TDP1: variants seen among roughly 807,000 people sequenced by gnomAD.
The protein encoded by TDP1 is tyr-DNA phosphodiesterase 1.
In TDP1, 64 loss-of-function variants were observed where a neutral mutation model predicts 81.5. The ratio of observed to expected loss-of-function variants is 0.79; its 90% CI spans 0.64 to 0.97. The LOEUF (loss-of-function observed/expected upper bound fraction) is 0.97. TDP1 is among the 50% of genes least tolerant of loss of function. The pLI is 0.00. For synonymous variants in TDP1, 256 were observed against 264.3 expected (o/e 0.97, Z 0.30); for missense variants, 723 against 743.8 (o/e 0.97, Z 0.33).
At chr14:89,959,513 AT>A (rs1334759770) in intron 2 of TDP1, among the ~76,000 whole-genome samples, 1 of 152,226 alleles carries the variant, frequency 6.6e-6, no homozygotes. Flanking sequence ...ACAAGACACA[AT>A]TTTATTAGTC....
At chr14:89,988,853 T>G in intron 10 of TDP1, 52 bp from the exon 11 acceptor site, 2 of 1,612,324 alleles carry the variant, frequency 1.2e-6, no homozygotes, top group Non-Finnish European at 1.7e-6. Context: ...ATTGCAGCAT[T>G]TCTGTTAAGA....
At chr14:89,967,675 A>G (rs373012803) in intron 5 of TDP1, among the ~76,000 whole-genome samples, 2 of 152,228 alleles carry the variant, frequency 1.3e-5, no homozygotes, top group African/African-American at 4.8e-5. Context: ...TTTAACTCAA[A>G]TAACAGAATT....
chr14:89,998,418 ATATATGTATGTATGTATGTATGTATATG>A (rs1896881903), intron 14 of TDP1, among the ~76,000 whole-genome samples: 1 of 98,260 alleles, frequency 1.0e-5, no homozygotes, highest in African/African-American at 4.7e-5. Flanking sequence ...ATATATATAT[ATATATGTATGTATGTATGTATGTATATG>A]TATATGTATA....
intron 16 of TDP1, among the ~76,000 whole-genome samples, chr14:90,041,810 A>C (rs1371987337): frequency 6.6e-6 from 1 of 152,236 alleles, no homozygotes; most frequent in Non-Finnish European, 1.5e-5. Flanking sequence ...TGACTCTAGC[A>C]GTGGCAATGT....
At chr14:89,980,259 A>C in intron 7 of TDP1, 2 of 985,440 alleles carry the variant, frequency 2.0e-6, no homozygotes, top group South Asian at 9.4e-5. Context: ...CTGAATAGAT[A>C]ATAAGGGGCC....
intron 6 of TDP1, 21 bp downstream of exon 6, chr14:89,971,292 G>A (rs1167605707): frequency 6.3e-7 from 1 of 1,581,082 alleles, no homozygotes; most frequent in Admixed American, 1.7e-5. Context: ...TACTGCCGTT[G>A]GAGAGCACGC....
At chr14:90,035,733 CTT>C (rs543354253) in intron 16 of TDP1, among the ~76,000 whole-genome samples, 182 of 138,738 alleles carry the variant, frequency 1.3e-3, no homozygotes, top group Admixed American at 1.6e-3. Context: ...CCTTTTCTTC[CTT>C]TTTTTTTTTT....
chr14:89,962,852 T>TGA (rs1440619095), intron 2 of TDP1: 2 of 920,602 alleles, frequency 2.2e-6, no homozygotes, highest in Non-Finnish European at 2.6e-6. Context: ...TCCAGCTGGG[T>TGA]GACAGAGCGA....
intron 6 of TDP1, among the ~76,000 whole-genome samples, chr14:89,973,382 T>G (rs1001808717): frequency 6.6e-6 from 1 of 151,942 alleles, no homozygotes; most frequent in Admixed American, 6.5e-5. Flanking sequence ...TTTAGGAGAG[T>G]GGTTCCTGTG....
intron 15 of TDP1, among the ~76,000 whole-genome samples, chr14:90,027,087 G>T (rs1040450155): frequency 2.0e-5 from 3 of 152,162 alleles, no homozygotes; most frequent in Admixed American, 1.3e-4. Flanking sequence ...CAGTGTAAAA[G>T]TGTTCCTATT....
chr14:89,963,283 A>G lies in TDP1; in HGVS notation c.169A>G (p.Lys57Glu). 9.3e-6 allele frequency: 15 copies of G among 1,614,220 alleles called. No individual in the cohort carries two copies. The highest frequency in any genetic ancestry group is 1.3e-5 in the Non-Finnish European group (15 of 1,180,030). The change falls in exon 3 of 17, where the codon AAG becomes GAG. Residue 57 changes from lysine to glutamate, a missense_variant. Coordinates refer to ENST00000335725, the MANE Select transcript of TDP1 (RefSeq NM_018319.4). ...TCSEAQKAAH[K>E]RKISPVKFSN... ...TTCCGAGGCCCAGAAAGCTGCACAC[A>G]AGAGGAAAATATCACCTGTGAAATT... is the stretch of plus-strand genomic sequence containing the variant.
intron 5 of TDP1, among the ~76,000 whole-genome samples, chr14:89,969,530 T>C (rs1393333561): frequency 6.6e-6 from 1 of 152,198 alleles, no homozygotes; most frequent in East Asian, 1.9e-4. Context: ...TTAATCTTTT[T>C]AATAACATGA....
chr14:90,023,087 G>A (rs1285179809), intron 15 of TDP1: 2 of 762,202 alleles, frequency 2.6e-6, no homozygotes, highest in South Asian at 2.7e-5. Flanking sequence ...GGTAACGCAT[G>A]GATAAGCTGA....
At chr14:89,981,163 A>T (rs1378267166) in intron 8 of TDP1, among the ~76,000 whole-genome samples, 1 of 152,222 alleles carries the variant, frequency 6.6e-6, no homozygotes, top group East Asian at 1.9e-4. Context: ...ATAGTGTGCT[A>T]AATATTTCCC....
In TDP1 at chr14:89,963,369, CGGCT is replaced by C; in HGVS notation, c.258_261del (p.Trp87ValfsTer22). The C allele has an allele frequency of 6.2e-7, 1 of 1,614,188 alleles. No individual in the cohort carries two copies. The highest frequency in any genetic ancestry group is 8.5e-7 in the Non-Finnish European group (1 of 1,180,026). On this transcript the variant is annotated frameshift_variant, in exon 3 of 17. Coordinates refer to ENST00000335725, the MANE Select transcript of TDP1 (RefSeq NM_018319.4). LOFTEE classifies it high-confidence loss of function. ...AGAAAAGCGGTTCCCAGGAGGACCTCGGCTGGTGTCTGTCCAGCAGTGATGATGA... is the reference window on the plus strand; with the variant it reads ...AGAAAAGCGGTTCCCAGGAGGACCTCGGTGTCTGTCCAGCAGTGATGATGA...
intron 16 of TDP1, among the ~76,000 whole-genome samples, chr14:90,036,639 T>G (rs1887840761): frequency 6.6e-6 from 1 of 152,160 alleles, no homozygotes; most frequent in Non-Finnish European, 1.5e-5. Context: ...TCCACAGATC[T>G]ATATTGAGAG....
intron 14 of TDP1, among the ~76,000 whole-genome samples, chr14:90,009,738 CAT>C (rs1287021754): frequency 6.6e-6 from 1 of 152,166 alleles, no homozygotes; most frequent in Non-Finnish European, 1.5e-5. Context: ...GGAGTTTAAA[CAT>C]GATTTCAAGA....
intron 15 of TDP1, among the ~76,000 whole-genome samples, chr14:90,027,216 A>G (rs1886765913): frequency 6.6e-6 from 1 of 152,060 alleles, no homozygotes; most frequent in Admixed American, 6.6e-5. Flanking sequence ...GCCAGTGATG[A>G]TGAGCATTCC....
At chr14:89,980,804 C>T (rs1009135103) in intron 8 of TDP1, 172 bp downstream of exon 8, 11 of 628,496 alleles carry the variant, frequency 1.8e-5, no homozygotes, top group Non-Finnish European at 3.1e-5. Flanking sequence ...TACTACCTGC[C>T]CCATTCTACC....
Sources: gnomAD v4.1 joint callset for allele counts (sites outside exome capture counted in the v4.1 genomes callset) on GRCh38, gnomAD v4.1.1 for gene constraint, MANE v1.5 for transcripts, NCBI Gene and HGNC (gene_info 2026-07-23, HGNC 2026-07-21) for gene names.